Variants in SNPH observed in about 807,000 individuals in gnomAD.
The protein encoded by SNPH is syntaphilin.
Under a neutral mutation model 36.8 loss-of-function variants are expected in SNPH, and 10 were observed. The ratio of observed to expected loss-of-function variants is 0.27; its 90% CI spans 0.17 to 0.46. The LOEUF is 0.46. Ranked by LOEUF, SNPH falls within the 20% of genes least tolerant of loss-of-function variation. The pLI, the probability that SNPH is intolerant of heterozygous loss-of-function variation, is 1.00. For synonymous variants in SNPH, 281 were observed against 312.2 expected (o/e 0.90, Z 1.05); for missense variants, 622 against 744.0 (o/e 0.84, Z 1.91).
chr20:1,295,238 TAGCCCTCCTCACGA>T (rs1284776178), intron 3 of SNPH, among the ~76,000 whole-genome samples: 1 of 152,148 alleles, frequency 6.6e-6, no homozygotes, highest in East Asian at 1.9e-4. Flanking sequence ...ATACCCAGTA[TAGCCCTCCTCACGA>T]CAGCCAAAAT....
Position 1,296,072 on chromosome 20 carries a change from A to T in SNPH, c.-168A>T, listed in dbSNP as rs2088427470. On this transcript the variant is annotated 5_prime_UTR_variant, in exon 4 of 7. Coordinates refer to ENST00000381867, the MANE Select transcript of SNPH (RefSeq NM_001318234.2). Reference sequence around the variant, plus strand: ...GTCTGGGGCACATTCACTCATCTGGAGAACACAGGGTTGGACTGATTACTT... The same window carrying T: ...GTCTGGGGCACATTCACTCATCTGGTGAACACAGGGTTGGACTGATTACTT... 3.6e-6 allele frequency: 2 copies of T among 555,864 alleles called. No individual in the cohort carries two copies. Among genetic ancestry groups the T allele is most frequent in the Non-Finnish European group, 6.1e-6 (2 of 328,892 alleles). 34.4% of individuals were successfully genotyped at this position (555,864 alleles called of 1,614,324 possible).
At chr20:1,277,756 T>C in intron 2 of SNPH, among the ~76,000 whole-genome samples, 1 of 149,326 alleles carries the variant, frequency 6.7e-6, no homozygotes, top group African/African-American at 2.5e-5. Context: ...TCTGTGTGTG[T>C]GTGTGTCAGT....
intron 2 of SNPH, among the ~76,000 whole-genome samples, chr20:1,286,428 T>C (rs554440966): frequency 1.3e-5 from 2 of 152,104 alleles, no homozygotes; most frequent in East Asian, 3.9e-4. Flanking sequence ...AGAAGGGAGC[T>C]GGGAGGAGAG....
At chr20:1,286,772 G>GT (rs1181606535) in intron 2 of SNPH, among the ~76,000 whole-genome samples, 2 of 152,310 alleles carry the variant, frequency 1.3e-5, no homozygotes, top group African/African-American at 4.8e-5. Context: ...AGCGTGAGTG[G>GT]TTTTATGTGG....
intron 2 of SNPH, among the ~76,000 whole-genome samples, chr20:1,277,403 G>T (rs770048471): frequency 6.6e-6 from 1 of 151,790 alleles, no homozygotes; most frequent in African/African-American, 2.4e-5. Flanking sequence ...GTCTATGTGT[G>T]TGTATGTCTG....
intron 5 of SNPH, among the ~76,000 whole-genome samples, 190 bp from the exon 6 acceptor site, chr20:1,300,372 C>T (rs2088490696): frequency 6.6e-6 from 1 of 152,176 alleles, no homozygotes; most frequent in African/African-American, 2.4e-5. Flanking sequence ...ATGGTCTTCA[C>T]TTAGAGGAAC....
At chr20:1,289,335 C>T (rs1475187507) in intron 2 of SNPH, among the ~76,000 whole-genome samples, 8 of 152,126 alleles carry the variant, frequency 5.3e-5, no homozygotes, top group African/African-American at 1.9e-4. Flanking sequence ...TACCAGTCTC[C>T]TCCAGGCTGA....
chr20:1,305,914 C>T lies in SNPH; in HGVS notation c.1477C>T (p.Arg493Cys), dbSNP rs774036831. Residue 493 changes from arginine to cysteine, a missense_variant, in exon 7 of 7, where the codon CGC becomes TGC. Coordinates refer to ENST00000381867, the MANE Select transcript of SNPH (RefSeq NM_001318234.2). Reference sequence around the variant, plus strand: ...GGCCTGGCTTTGCCGCTCCCAGCGGCGCCAGGGCCAGCCCATCTACAACAT... The same window carrying T: ...GGCCTGGCTTTGCCGCTCCCAGCGGTGCCAGGGCCAGCCCATCTACAACAT... ...TVAWLCRSQR[R>C]QGQPIYNISS... 3.3e-5 allele frequency: 52 copies of T among 1,595,254 alleles called. 2 individuals are homozygous for T. In the South Asian group the frequency reaches 3.5e-4, roughly 11 times the overall value.
At chr20:1,270,620 G>C (rs1366276611) in intron 2 of SNPH, among the ~76,000 whole-genome samples, 2 of 152,160 alleles carry the variant, frequency 1.3e-5, no homozygotes, top group Non-Finnish European at 2.9e-5. Flanking sequence ...ACACAATTTT[G>C]ATGGAACTAT....
chr20:1,280,084 C>T (rs1356467495), intron 2 of SNPH, among the ~76,000 whole-genome samples: 1 of 152,224 alleles, frequency 6.6e-6, no homozygotes, highest in African/African-American at 2.4e-5. Context: ...CAGATTGGGG[C>T]ATGGACTGGC....
In SNPH at chr20:1,305,231, C is replaced by T. The variant is rs776133925; in HGVS notation, c.794C>T (p.Pro265Leu). The T allele has an allele frequency of 6.8e-6, 11 of 1,611,182 alleles. No individual in the cohort carries two copies. The highest frequency in any genetic ancestry group is 2.7e-5 in the African/African-American group (2 of 74,944). The change falls in exon 7 of 7, where the codon CCG becomes CTG. Residue 265 changes from proline to leucine, a missense_variant. Transcript: ENST00000381867. ...TCCACCTACACCAAGCTGAGTGACC[C>T]GGCTGTCTGTGGTGACCGCCAGCCG... The part of the protein sequence containing the change: ...RSSTYTKLSD[P>L]AVCGDRQPGD...
chr20:1,275,344 G>A (rs570727112), intron 2 of SNPH, among the ~76,000 whole-genome samples: 36 of 152,262 alleles, frequency 2.4e-4, no homozygotes, highest in Non-Finnish European at 1.6e-4. Flanking sequence ...ATGTCCCCAC[G>A]AACACTGCTT....
intron 6 of SNPH, 38 bp downstream of exon 6, chr20:1,300,749 ACC>A: frequency 1.3e-6 from 2 of 1,577,430 alleles, no homozygotes; most frequent in Non-Finnish European, 1.7e-6. Context: ...GGGGTACCCC[ACC>A]AGCTCCACAC....
At chr20:1,298,323 G>A (rs2088464430) in intron 5 of SNPH, among the ~76,000 whole-genome samples, 1 of 152,212 alleles carries the variant, frequency 6.6e-6, no homozygotes, top group Non-Finnish European at 1.5e-5. Flanking sequence ...GAGATGCCCA[G>A]CCTGTGGCTC....
At position 1,306,033 on chromosome 20, in the gene SNPH, G is replaced by C. The variant is rs61747127; in HGVS notation, c.1596G>C (p.Ala532=). ...TGAGCCAGCCGAGTCCCAGCCCAGC[G>C]GGCGGCGGCTCCCAGCTCTGAGGGG... ...RSLSQPSPSP[A]GGGSQL Residue 532 remains alanine (A), a synonymous_variant, in exon 7 of 7, where the codon GCG becomes GCC. Transcript: ENST00000381867. 1 of 1,480,248 alleles carries C rather than the reference G, an allele frequency of 6.8e-7. No homozygotes were observed. The highest frequency in any genetic ancestry group is 1.3e-5 in the South Asian group (1 of 75,632). The allele number at this position is 1,480,248 out of a possible 1,614,324, so 91.7% of individuals were successfully genotyped here. A position where few individuals can be genotyped will look rare whatever the true frequency, so the allele number is the denominator to read the frequency against.
intron 5 of SNPH, 56 bp from the exon 6 acceptor site, chr20:1,300,506 A>C (rs2088492814): frequency 6.2e-7 from 1 of 1,604,980 alleles, no homozygotes; most frequent in African/African-American, 1.3e-5. Context: ...GAGGTAAAGC[A>C]CCTGTGCCTT....
intron 2 of SNPH, among the ~76,000 whole-genome samples, chr20:1,286,841 C>T (rs991000499): frequency 6.6e-6 from 1 of 152,074 alleles, no homozygotes; most frequent in South Asian, 2.1e-4. Flanking sequence ...TGGGTGGGGG[C>T]TTTGTCTGTG....
rs560820269 is a variant in SNPH, at chr20:1,274,565, G to A, written c.-493+7805G>A. 2.0e-5 allele frequency among the ~76,000 whole-genome samples: 3 copies of A among 152,288 alleles called. No homozygotes were observed. In the South Asian group the frequency reaches 6.2e-4, roughly 32 times the overall value. ...GTCACAGATGAGGCAAGCAGTGGGTGCTGCTGGCATTCCCAGGAGAAAGAA... is the reference window on the plus strand; with the variant it reads ...GTCACAGATGAGGCAAGCAGTGGGTACTGCTGGCATTCCCAGGAGAAAGAA... On this transcript the variant is annotated intron_variant, in intron 2 of 6. Transcript: ENST00000381867.
At chr20:1,268,351 C>G (rs1410220483) in intron 2 of SNPH, among the ~76,000 whole-genome samples, 2 of 152,166 alleles carry the variant, frequency 1.3e-5, no homozygotes, top group African/African-American at 2.4e-5. Context: ...TCACATGAAT[C>G]CCACTGTGGC....
Sources: gnomAD v4.1 joint callset for allele counts (sites outside exome capture counted in the v4.1 genomes callset) on GRCh38, gnomAD v4.1.1 for gene constraint, MANE v1.5 for transcripts, NCBI Gene and HGNC (gene_info 2026-07-23, HGNC 2026-07-21) for gene names.